OR4K2: variants seen among roughly 807,000 people sequenced by gnomAD.
OR4K2 encodes the protein olfactory receptor 4K2.
A neutral mutation model predicts 10.5 loss-of-function variants in OR4K2; 8 were observed. The observed-to-expected ratio is 0.76, with a 90% CI of 0.45 to 1.37. The LOEUF is 1.37. OR4K2 is among the 40% of genes most tolerant of loss of function. The pLI is 0.00. For synonymous variants in OR4K2, 178 were observed against 133.6 expected (o/e 1.33, Z -2.29); for missense variants, 547 against 379.5 (o/e 1.44, Z -3.67).
rs1485612964 is a variant in OR4K2 at position 19,875,673 on chromosome 14, ATTTCTTTTGAG to A, written c.-480_-470del. 6.6e-6 allele frequency: 1 copy of A among 152,386 alleles called. No individual in the cohort carries two copies. The highest frequency in any genetic ancestry group is 2.4e-5 in the African/African-American group (1 of 41,454). 9.4% of individuals were successfully genotyped at this position (152,386 alleles called of 1,614,324 possible). A position where few individuals can be genotyped will look rare whatever the true frequency, so the allele number is the denominator to read the frequency against. On this transcript the variant is annotated 5_prime_UTR_variant, in exon 1 of 2. An upstream open reading frame in the 5' UTR gains an earlier in-frame stop. Coordinates refer to ENST00000641885, the MANE Select transcript of OR4K2 (RefSeq NM_001005501.2). ...TATCAGCAAAACTAACTTTCTATGT[ATTTCTTTTGAG>A]TTTCAAACAGGAAACTTTATCTGGG...
At position 19,878,210 on chromosome 14, in the gene OR4K2, T is replaced by C. The variant is rs1160086957; in HGVS notation, c.*998T>C. On this transcript the variant is annotated 3_prime_UTR_variant, in exon 2 of 2. Transcript: ENST00000641885. ...TAGGTTCAATATTAGCTTTAATGTA[T>C]ACAAAGTATTACTACCACCTGCTGG... 1.3e-5 allele frequency: 2 copies of C among 152,226 alleles called. No homozygotes were observed. The highest frequency in any genetic ancestry group is 4.8e-5 in the African/African-American group (2 of 41,462). 9.4% of individuals were successfully genotyped at this position (152,226 alleles called of 1,614,324 possible). A position where few individuals can be genotyped will look rare whatever the true frequency, so the allele number is the denominator to read the frequency against.
At position 19,876,700 on chromosome 14, in the gene OR4K2, G is replaced by C. The variant is rs374716082; in HGVS notation, c.433G>C (p.Val145Leu). The change falls in exon 2 of 2, where the codon GTG becomes CTG. Residue 145 changes from valine (V) to leucine (L), a missense_variant. Coordinates refer to ENST00000641885, the MANE Select transcript of OR4K2 (RefSeq NM_001005501.2). ...VISPQVCVAL[V>L]VASWIMGVMH... Reference sequence around the variant, plus strand: ...TAGTCCCCAGGTGTGTGTTGCTCTCGTGGTGGCTTCCTGGATTATGGGAGT... The same window carrying C: ...TAGTCCCCAGGTGTGTGTTGCTCTCCTGGTGGCTTCCTGGATTATGGGAGT... 37 of 1,614,004 alleles carry C rather than the reference G, an allele frequency of 2.3e-5. No homozygotes were observed. The highest frequency in any genetic ancestry group is 4.5e-5 in the East Asian group (2 of 44,894).
At position 19,880,047 on chromosome 14, in the gene OR4K2, A is replaced by G. The variant is rs978066665; in HGVS notation, c.*2835A>G. On this transcript the variant is annotated 3_prime_UTR_variant, in exon 2 of 2. Transcript: ENST00000641885. ...AATTCATAAGCTTTCTTGAAACATT[A>G]TAAGATTTTCTTGTGATTTTTTTGT... 1 of 152,490 alleles carries G rather than the reference A, an allele frequency of 6.6e-6. No homozygotes were observed. Among genetic ancestry groups the G allele is most frequent in the African/African-American group, 2.4e-5 (1 of 41,470 alleles). The allele number at this position is 152,490 out of a possible 1,614,324, so 9.4% of individuals were successfully genotyped here.
At position 19,877,549 on chromosome 14, in the gene OR4K2, G is replaced by T; in HGVS notation, c.*337G>T. On this transcript the variant is annotated 3_prime_UTR_variant, in exon 2 of 2. Coordinates refer to ENST00000641885, the MANE Select transcript of OR4K2 (RefSeq NM_001005501.2). ...TGACAATTACCCACAGTGAGCAACT[G>T]AGTCACTTAGTGAGATGCTCCTAAA... 8.7e-6 allele frequency: 2 copies of T among 229,948 alleles called. No individual in the cohort carries two copies. Among genetic ancestry groups the T allele is most frequent in the South Asian group, 1.2e-4 (2 of 16,706 alleles). The allele number at this position is 229,948 out of a possible 1,614,324, so 14.2% of individuals were successfully genotyped here.
In OR4K2 at chr14:19,877,134, G is replaced by A. The variant is rs1880929034; in HGVS notation, c.867G>A (p.Leu289=). 3.7e-6 allele frequency: 6 copies of A among 1,604,760 alleles called. No homozygotes were observed. The highest frequency in any genetic ancestry group is 1.7e-4 in the Middle Eastern group (1 of 6,060). Residue 289 remains leucine, a synonymous_variant, in exon 2 of 2, where the codon TTG becomes TTA. Transcript: ENST00000641885. ...CTCTGAACCCAATAATCTATACTTT[G>A]AGGAATCAAGAAGTAAAGATAGCCA... ...TPTLNPIIYT[L]RNQEVKIAMR... is the part of the protein sequence containing the mutation.
Position 19,876,929 on chromosome 14 carries a change from T to C in OR4K2, c.662T>C (p.Val221Ala), listed in dbSNP as rs151057533. 1.7e-4 allele frequency: 277 copies of C among 1,614,068 alleles called. No individual in the cohort carries two copies. The highest frequency in any genetic ancestry group is 1.2e-3 in the Middle Eastern group (7 of 6,060). Residue 221 changes from valine (V) to alanine (A), a missense_variant, in exon 2 of 2, where the codon GTC becomes GCC. Coordinates refer to ENST00000641885, the MANE Select transcript of OR4K2 (RefSeq NM_001005501.2). Reference protein sequence around the residue: ...FIVLFNSYVIVLVTVKHHSSR... With the variant: ...FIVLFNSYVIALVTVKHHSSR... ...GTTTTATTTAATTCATATGTTATTG[T>C]CCTGGTTACTGTGAAGCATCATTCT...
chr14:19,876,457 A>C lies in OR4K2; in HGVS notation c.190A>C (p.Thr64Pro), dbSNP rs773553067. ...HLHSPMYFLL[T>P]NLSIIDMSLA... Reference sequence around the variant, plus strand: ...ACACTCTCCTATGTATTTCCTGCTTACCAATCTTTCAATCATTGATATGTC... The same window carrying C: ...ACACTCTCCTATGTATTTCCTGCTTCCCAATCTTTCAATCATTGATATGTC... The change falls in exon 2 of 2, where the codon ACC (threonine) becomes CCC (proline). Residue 64 changes from threonine to proline, a missense_variant. By Grantham distance (38) the Thr-to-Pro change is conservative. Transcript: ENST00000641885. The C allele has an allele frequency of 1.9e-6, 3 of 1,614,034 alleles. No homozygotes were observed. Among genetic ancestry groups the C allele is most frequent in the East Asian group, 2.2e-5 (1 of 44,900 alleles).
Position 19,876,947 on chromosome 14 carries a change from A to G in OR4K2, c.680A>G (p.His227Arg), listed in dbSNP as rs1452066176. 1.2e-6 allele frequency: 2 copies of G among 1,613,976 alleles called. No individual in the cohort carries two copies. The highest frequency in any genetic ancestry group is 1.3e-5 in the African/African-American group (1 of 74,942). Residue 227 changes from histidine (H) to arginine (R), a missense_variant, in exon 2 of 2, where the codon CAT (histidine) becomes CGT (arginine). By Grantham distance (29) the His-to-Arg change is conservative. Coordinates refer to ENST00000641885, the MANE Select transcript of OR4K2 (RefSeq NM_001005501.2). ...GTTATTGTCCTGGTTACTGTGAAGCATCATTCTTCCAGAGGATCATCTAAG... is the reference window on the plus strand; with the variant it reads ...GTTATTGTCCTGGTTACTGTGAAGCGTCATTCTTCCAGAGGATCATCTAAG... ...SYVIVLVTVK[H>R]HSSRGSSKAL...
rs1366296408 is a variant in OR4K2, at chr14:19,883,274, G to A, written c.*6062G>A. 6.6e-6 allele frequency: 1 copy of A among 152,292 alleles called. No individual in the cohort carries two copies. Among genetic ancestry groups the A allele is most frequent in the Non-Finnish European group, 1.5e-5 (1 of 68,070 alleles). 9.4% of individuals were successfully genotyped at this position (152,292 alleles called of 1,614,324 possible). A position where few individuals can be genotyped will look rare whatever the true frequency, so the allele number is the denominator to read the frequency against. On this transcript the variant is annotated 3_prime_UTR_variant, in exon 2 of 2. Coordinates refer to ENST00000641885, the MANE Select transcript of OR4K2 (RefSeq NM_001005501.2). Reference sequence around the variant, plus strand: ...TTATCTCTTTGGGAATGATAGTGCTGTTGTTGCTGTAGTAGTTGATATCTC... The same window carrying A: ...TTATCTCTTTGGGAATGATAGTGCTATTGTTGCTGTAGTAGTTGATATCTC...
rs1880874734 is a variant in OR4K2, at chr14:19,875,635, C to G, written c.-523C>G. The G allele has an allele frequency of 6.6e-6, 1 of 152,272 alleles. No homozygotes were observed. The highest frequency in any genetic ancestry group is 1.5e-5 in the Non-Finnish European group (1 of 68,088). The allele number at this position is 152,272 out of a possible 1,614,324, so 9.4% of individuals were successfully genotyped here. A position where few individuals can be genotyped will look rare whatever the true frequency, so the allele number is the denominator to read the frequency against. On this transcript the variant is annotated 5_prime_UTR_variant, in exon 1 of 2. Transcript: ENST00000641885. Reference sequence around the variant, plus strand: ...TATGACTGTATTGTAATAAATTAGTCTCTCTGGATGAATATCAGCAAAACT... The same window carrying G: ...TATGACTGTATTGTAATAAATTAGTGTCTCTGGATGAATATCAGCAAAACT...
rs1173293331 is a variant in OR4K2 at position 19,876,547 on chromosome 14, T to G, written c.280T>G (p.Phe94Val). 1.9e-6 allele frequency: 3 copies of G among 1,614,214 alleles called. No individual in the cohort carries two copies. The highest frequency in any genetic ancestry group is 1.1e-5 in the South Asian group (1 of 91,088). Residue 94 changes from phenylalanine (F) to valine (V), a missense_variant, in exon 2 of 2, where the codon TTT (phenylalanine) becomes GTT (valine). Transcript: ENST00000641885. The stretch of plus-strand genomic sequence containing the variant: ...CCTAACAGGTCACAAAACCATCTCT[T>G]TTGATGGCTGCCTTACCCAGATATT... The part of the protein sequence containing the change: ...DYLTGHKTIS[F>V]DGCLTQIFFL...
Position 19,876,773 on chromosome 14 carries a change from G to A in OR4K2, c.506G>A (p.Cys169Tyr). ...ATATTTGCCCTCACGTTACCATTCT[G>A]TGGTCCCTATGAGGTAGACAGCTTT... ...QVIFALTLPF[C>Y]GPYEVDSFFC... Residue 169 changes from cysteine (C) to tyrosine (Y), a missense_variant, in exon 2 of 2, where the codon TGT (cysteine) becomes TAT (tyrosine). Cys to Tyr is a radical substitution (Grantham distance 194). Transcript: ENST00000641885. The A allele has an allele frequency of 6.2e-7, 1 of 1,614,190 alleles. No homozygotes were observed.
rs1183938129 is a variant in OR4K2 at position 19,882,818 on chromosome 14, C to CTTTTTTTTTT, written c.*5607_*5616dup. 2 of 142,102 alleles carry CTTTTTTTTTT rather than the reference C, an allele frequency of 1.4e-5. No homozygotes were observed. The highest frequency in any genetic ancestry group is 2.2e-4 in the South Asian group (1 of 4,566). 8.8% of individuals were successfully genotyped at this position (142,102 alleles called of 1,614,324 possible). A position where few individuals can be genotyped will look rare whatever the true frequency, so the allele number is the denominator to read the frequency against. On this transcript the variant is annotated 3_prime_UTR_variant, in exon 2 of 2. Coordinates refer to ENST00000641885, the MANE Select transcript of OR4K2 (RefSeq NM_001005501.2). ...TTCTGTATAATTTATCTTTCTTTTT[C>CTTTTTTTTTT]TTTTTTTTTTCTTTTTTTTTTTTTT... is the stretch of plus-strand genomic sequence containing the variant.
rs1173849930 is a variant in OR4K2 at position 19,883,724 on chromosome 14, A to G, written c.*6512A>G. 1.3e-5 allele frequency: 2 copies of G among 152,266 alleles called. No individual in the cohort carries two copies. The highest frequency in any genetic ancestry group is 2.9e-5 in the Non-Finnish European group (2 of 68,048). 9.4% of individuals were successfully genotyped at this position (152,266 alleles called of 1,614,324 possible). A position where few individuals can be genotyped will look rare whatever the true frequency, so the allele number is the denominator to read the frequency against. ...ATTTCCTTTAAGTATATTAAAATGTACCTAAATAAAATTGTTCTTCAAGAG... is the reference window on the plus strand; with the variant it reads ...ATTTCCTTTAAGTATATTAAAATGTGCCTAAATAAAATTGTTCTTCAAGAG... On this transcript the variant is annotated 3_prime_UTR_variant, in exon 2 of 2. Transcript: ENST00000641885.
Position 19,877,189 on chromosome 14 carries a change from T to G in OR4K2, c.922T>G (p.Phe308Val). The G allele has an allele frequency of 1.9e-6, 3 of 1,589,310 alleles. No individual in the cohort carries two copies. Among genetic ancestry groups the G allele is most frequent in the Non-Finnish European group, 2.6e-6 (3 of 1,172,556 alleles). The change falls in exon 2 of 2, where the codon TTT becomes GTT. Residue 308 changes from phenylalanine (F) to valine (V), a missense_variant. By Grantham distance (50) the Phe-to-Val change is conservative. Transcript: ENST00000641885. The stretch of plus-strand genomic sequence containing the variant: ...GAAACTGAAAAATAGGTTTCTAAAT[T>G]TTAATAAGGCAATGCCTTCATAGTT... ...MRKLKNRFLN[F>V]NKAMPS is the part of the protein sequence containing the mutation.
At position 19,876,565 on chromosome 14, in the gene OR4K2, C is replaced by A. The variant is rs912165981; in HGVS notation, c.298C>A (p.Gln100Lys). ...CATCTCTTTTGATGGCTGCCTTACC[C>A]AGATATTCTTTCTCCACCTTTTCAC... is the stretch of plus-strand genomic sequence containing the variant. ...KTISFDGCLT[Q>K]IFFLHLFTGT... Residue 100 changes from glutamine to lysine, a missense_variant, in exon 2 of 2, where the codon CAG (glutamine) becomes AAG (lysine). Coordinates refer to ENST00000641885, the MANE Select transcript of OR4K2 (RefSeq NM_001005501.2). The A allele has an allele frequency of 6.2e-7, 1 of 1,614,208 alleles. No homozygotes were observed. Among genetic ancestry groups the A allele is most frequent in the African/African-American group, 1.3e-5 (1 of 75,068 alleles).
In OR4K2 at chr14:19,877,003, G is replaced by C. The variant is rs1240923308; in HGVS notation, c.736G>C (p.Val246Leu). ...ALSTCTAHFI[V>L]VFLFFGPCIF... ...TTCTACTTGTACAGCTCATTTCATT[G>C]TTGTCTTCTTGTTCTTTGGGCCATG... Residue 246 changes from valine (V) to leucine (L), a missense_variant, in exon 2 of 2, where the codon GTT becomes CTT. Val to Leu is a conservative substitution (Grantham distance 32, BLOSUM62 1). Coordinates refer to ENST00000641885, the MANE Select transcript of OR4K2 (RefSeq NM_001005501.2). 6.2e-7 allele frequency: 1 copy of C among 1,613,878 alleles called. No homozygotes were observed. Among genetic ancestry groups the C allele is most frequent in the South Asian group, 1.1e-5 (1 of 91,086 alleles).
chr14:19,876,210 T>G, intron 1 of OR4K2, 35 bp from the exon 2 acceptor site: 1 of 1,239,412 alleles, frequency 8.1e-7, no homozygotes, highest in Non-Finnish European at 1.1e-6. Context: ...TGAATCTGAC[T>G]TTCCTTTTTT....
rs918859869 is a variant in OR4K2 at position 19,883,416 on chromosome 14, T to C, written c.*6204T>C. Reference sequence around the variant, plus strand: ...AAGTTTCTTTGAAACATTTATGTACTGTAATTTCATTGGCTATTCCTTTAT... The same window carrying C: ...AAGTTTCTTTGAAACATTTATGTACCGTAATTTCATTGGCTATTCCTTTAT... On this transcript the variant is annotated 3_prime_UTR_variant, in exon 2 of 2. Coordinates refer to ENST00000641885, the MANE Select transcript of OR4K2 (RefSeq NM_001005501.2). 2 of 152,286 alleles carry C rather than the reference T, an allele frequency of 1.3e-5. No homozygotes were observed. The highest frequency in any genetic ancestry group is 4.8e-5 in the African/African-American group (2 of 41,470). 9.4% of individuals were successfully genotyped at this position (152,286 alleles called of 1,614,324 possible). A position where few individuals can be genotyped will look rare whatever the true frequency, so the allele number is the denominator to read the frequency against.
Sources: allele counts gnomAD v4.1 joint callset, GRCh38; gene constraint gnomAD v4.1.1; transcripts MANE v1.5; gene names NCBI Gene and HGNC (gene_info 2026-07-23, HGNC 2026-07-21).